Variants in ADCK5 observed in about 807,000 individuals in gnomAD.
The protein encoded by ADCK5 is uncharacterized aarF domain-containing protein kinase 5.
A neutral mutation model predicts 64.9 loss-of-function variants in ADCK5; 43 were observed. The ratio of observed to expected loss-of-function variants is 0.66; its 90% CI spans 0.52 to 0.85. The LOEUF (loss-of-function observed/expected upper bound fraction) is 0.85, where lower values mean the gene tolerates loss of function less well. ADCK5 is among the 40% of genes least tolerant of loss of function. The pLI, the probability that ADCK5 is intolerant of heterozygous loss-of-function variation, is 0.00. For missense variants in ADCK5, 760 were observed against 810.5 expected, an observed-to-expected ratio of 0.94 and a Z score of 0.76; for synonymous variants, 434 against 342.8, an observed-to-expected ratio of 1.27 and a Z score of -2.94.
In ADCK5 at chr8:144,392,482, C is replaced by T. The variant is rs1032534999; in HGVS notation, c.1305C>T (p.Pro435=). The T allele has an allele frequency of 5.2e-5, 79 of 1,528,504 alleles. No individual in the cohort carries two copies. Among genetic ancestry groups the T allele is most frequent in the Non-Finnish European group, 6.5e-5 (74 of 1,140,782 alleles). The allele number at this position is 1,528,504 out of a possible 1,614,324, so 94.7% of individuals were successfully genotyped here. A position where few individuals can be genotyped will look rare whatever the true frequency, so the allele number is the denominator to read the frequency against. Residue 435 remains proline (P), a synonymous_variant, in exon 13 of 15, where the codon CCC becomes CCT. Coordinates refer to ENST00000308860, the MANE Select transcript of ADCK5 (RefSeq NM_174922.5). The part of the protein sequence containing the change: ...LLFAEMLMQR[P]VRLGQLWGSH... ...TCGCCGAGATGCTCATGCAGCGCCCCGTGCGCCTGGGGCAGCTGTGGGGCT... is the reference window on the plus strand; with the variant it reads ...TCGCCGAGATGCTCATGCAGCGCCCTGTGCGCCTGGGGCAGCTGTGGGGCT...
At chr8:144,374,574 G>T (rs1158719683) in intron 1 of ADCK5, among the ~76,000 whole-genome samples, 1 of 152,118 alleles carries the variant, frequency 6.6e-6, no homozygotes, top group African/African-American at 2.4e-5. Flanking sequence ...CGGAGAGCGC[G>T]ATCTCCAGAG....
chr8:144,373,835 C>A, upstream of ADCK5: 1 of 367,390 alleles, frequency 2.7e-6, no homozygotes, highest in Non-Finnish European at 4.8e-6. Context: ...ATGCGCAGTG[C>A]GCCGAGGGCG....
At position 144,392,635 on chromosome 8, in the gene ADCK5, C is replaced by G. The variant is rs782140154; in HGVS notation, c.1458C>G (p.Thr486=). 3.8e-6 allele frequency: 6 copies of G among 1,593,996 alleles called. No homozygotes were observed. Among genetic ancestry groups the G allele is most frequent in the South Asian group, 2.2e-5 (2 of 89,166 alleles). The change falls in exon 13 of 15, where the codon ACC becomes ACG. Residue 486 remains threonine, a synonymous_variant. Coordinates refer to ENST00000308860, the MANE Select transcript of ADCK5 (RefSeq NM_174922.5). ...PMLLVLRNIN[T]VRAINVALGA... Reference sequence around the variant, plus strand: ...TGCTGGTGCTGCGCAACATCAACACCGTGCGCGCTATCAACGTGGCCCTCG... The same window carrying G: ...TGCTGGTGCTGCGCAACATCAACACGGTGCGCGCTATCAACGTGGCCCTCG...
Position 144,374,069 on chromosome 8 carries a change from G to A in ADCK5, c.-27G>A, listed in dbSNP as rs1205301491. On this transcript the variant is annotated 5_prime_UTR_variant, in exon 1 of 15. Coordinates refer to ENST00000308860, the MANE Select transcript of ADCK5 (RefSeq NM_174922.5). ...TGCGAGACGCTAAGCGGCGCCGGGCGGGAGAAGAGCGGAGCAGTGGTCGGA... is the reference window on the plus strand; with the variant it reads ...TGCGAGACGCTAAGCGGCGCCGGGCAGGAGAAGAGCGGAGCAGTGGTCGGA... The A allele has an allele frequency of 2.4e-6, 3 of 1,246,486 alleles. No individual in the cohort carries two copies. The highest frequency in any genetic ancestry group is 1.6e-5 in the African/African-American group (1 of 64,494). The allele number at this position is 1,246,486 out of a possible 1,614,324, so 77.2% of individuals were successfully genotyped here. A position where few individuals can be genotyped will look rare whatever the true frequency, so the allele number is the denominator to read the frequency against.
rs527743674 is a variant in ADCK5, at chr8:144,378,874, A to G, written c.13-513A>G. Among the ~76,000 whole-genome samples the G allele has an allele frequency of 5.2e-4, 79 of 152,018 alleles. 2 individuals carry two copies. Among genetic ancestry groups the G allele is most frequent in the Admixed American group, 3.6e-3 (55 of 15,274 alleles). ...AGCCTGGGCGACAGAGTGAGACTCC[A>G]TCTCAGAAAAACAAACAAACCTATT... On this transcript the variant is annotated intron_variant, in intron 1 of 14. Coordinates refer to ENST00000308860, the MANE Select transcript of ADCK5 (RefSeq NM_174922.5).
intron 2 of ADCK5, among the ~76,000 whole-genome samples, chr8:144,381,477 T>A: frequency 2.7e-5 from 2 of 74,302 alleles, no homozygotes; most frequent in South Asian, 5.2e-4. Flanking sequence ...GATTATGGGC[T>A]GGGTGTAGAA....
Position 144,392,042 on chromosome 8 carries a change from G to A in ADCK5, c.1096+20G>A. 2 of 1,612,676 alleles carry A rather than the reference G, an allele frequency of 1.2e-6. No individual in the cohort carries two copies. Among genetic ancestry groups the A allele is most frequent in the South Asian group, 1.1e-5 (1 of 91,078 alleles). ...GCAACGGTAGGAATTTACCCCAGGG[G>A]TGGGGGTCTCAGGGTGGGCGCAGCG... On this transcript the variant is annotated intron_variant, in intron 10 of 14. Coordinates refer to ENST00000308860, the MANE Select transcript of ADCK5 (RefSeq NM_174922.5).
At chr8:144,382,332 G>A (rs1314246533) in intron 2 of ADCK5, among the ~76,000 whole-genome samples, 17 of 152,188 alleles carry the variant, frequency 1.1e-4, no homozygotes, top group African/African-American at 9.7e-5. Flanking sequence ...CGCACTCAGC[G>A]TTATGGGTTT....
intron 3 of ADCK5, among the ~76,000 whole-genome samples, chr8:144,388,831 G>A (rs554051772): frequency 2.4e-4 from 37 of 152,326 alleles, no homozygotes; most frequent in South Asian, 2.3e-3. Flanking sequence ...CTCTACGGGG[G>A]CCAGAGTGGG....
intron 3 of ADCK5, among the ~76,000 whole-genome samples, chr8:144,386,111 C>T (rs1308528531): frequency 6.6e-6 from 1 of 150,630 alleles, no homozygotes; most frequent in Non-Finnish European, 1.5e-5. Flanking sequence ...CAGGTTCAAG[C>T]AATTCTCATG....
In ADCK5 at chr8:144,392,625, A is replaced by C. The variant is rs1554861401; in HGVS notation, c.1448A>C (p.Asn483Thr). Residue 483 changes from asparagine to threonine, a missense_variant, in exon 13 of 15, where the codon AAC (asparagine) becomes ACC (threonine). Asn to Thr is a moderately conservative substitution (Grantham distance 65, BLOSUM62 0). Coordinates refer to ENST00000308860, the MANE Select transcript of ADCK5 (RefSeq NM_174922.5). ...CGGCCCATGCTGCTGGTGCTGCGCAACATCAACACCGTGCGCGCTATCAAC... is the reference window on the plus strand; with the variant it reads ...CGGCCCATGCTGCTGGTGCTGCGCACCATCAACACCGTGCGCGCTATCAAC... ...LPRPMLLVLR[N>T]INTVRAINVA... 1 of 1,592,652 alleles carries C rather than the reference A, an allele frequency of 6.3e-7. No individual in the cohort carries two copies.
upstream of ADCK5, chr8:144,373,928 G>T (rs566317690): frequency 4.8e-5 from 37 of 778,472 alleles, no homozygotes; most frequent in Non-Finnish European, 6.1e-5. Flanking sequence ...ACGCTGCCCC[G>T]CCGCGGAGGC....
At chr8:144,381,884 C>A (rs1375274265) in intron 2 of ADCK5, among the ~76,000 whole-genome samples, 68 of 11,724 alleles carry the variant, frequency 5.8e-3, no homozygotes, top group East Asian at 0.014. Flanking sequence ...GTGCTCAGGC[C>A]CCTGCCGCAC....
intron 2 of ADCK5, among the ~76,000 whole-genome samples, chr8:144,380,988 G>T (rs2116846077): frequency 6.6e-6 from 1 of 151,058 alleles, no homozygotes; most frequent in African/African-American, 2.4e-5. Context: ...CAGGATTATG[G>T]GCTGGGTGTA....
At position 144,392,037 on chromosome 8, in the gene ADCK5, C is replaced by G; in HGVS notation, c.1096+15C>G. The G allele has an allele frequency of 6.2e-7, 1 of 1,612,584 alleles. No homozygotes were observed. The highest frequency in any genetic ancestry group is 1.1e-5 in the South Asian group (1 of 91,076). The stretch of plus-strand genomic sequence containing the variant: ...TCCTGGCAACGGTAGGAATTTACCC[C>G]AGGGGTGGGGGTCTCAGGGTGGGCG... On this transcript the variant is annotated intron_variant, in intron 10 of 14. Coordinates refer to ENST00000308860, the MANE Select transcript of ADCK5 (RefSeq NM_174922.5).
Position 144,391,650 on chromosome 8 carries a change from G to C in ADCK5, c.869G>C (p.Arg290Pro). Residue 290 changes from arginine (R) to proline (P), a missense_variant, in exon 8 of 15, where the codon CGG (arginine) becomes CCG (proline). This residue lies in a region of ADCK5 where 427 missense variants were observed against 518.4 expected (regional missense o/e 0.82). Coordinates refer to ENST00000308860, the MANE Select transcript of ADCK5 (RefSeq NM_174922.5). The part of the protein sequence containing the change: ...NEGRNAERCA[R>P]ELAHFPYVVV... ...GGCCGCAACGCAGAGCGCTGTGCGC[G>C]GGAGCTGGCGCACTTCCCCTACGTC... is the stretch of plus-strand genomic sequence containing the variant. 6.5e-7 allele frequency: 1 copy of C among 1,548,084 alleles called. No homozygotes were observed. The highest frequency in any genetic ancestry group is 8.7e-7 in the Non-Finnish European group (1 of 1,150,978).
intron 1 of ADCK5, among the ~76,000 whole-genome samples, chr8:144,378,477 C>A (rs12548842): frequency 2.6e-5 from 4 of 151,814 alleles, no homozygotes; most frequent in African/African-American, 7.3e-5. Flanking sequence ...TCCGCCCCCC[C>A]CACTGCTTCA....
chr8:144,389,604 G>C (rs1364537450), intron 3 of ADCK5, among the ~76,000 whole-genome samples: 1 of 152,096 alleles, frequency 6.6e-6, no homozygotes, highest in East Asian at 1.9e-4. Context: ...CGCAATTTTA[G>C]CTCACCGAAA....
intron 3 of ADCK5, among the ~76,000 whole-genome samples, chr8:144,388,977 C>T (rs1471258525): frequency 1.3e-5 from 2 of 152,160 alleles, no homozygotes; most frequent in Non-Finnish European, 2.9e-5. Flanking sequence ...CAGGGACAGG[C>T]CTCTGGCCAT....
Sources: allele counts gnomAD v4.1 joint callset (sites outside exome capture counted in the v4.1 genomes callset), GRCh38; gene constraint gnomAD v4.1.1; regional missense constraint gnomAD v4.1.1; transcripts MANE v1.5; gene names NCBI Gene and HGNC (gene_info 2026-07-23, HGNC 2026-07-21).